PIK3CD: variants seen among roughly 807,000 people sequenced by gnomAD.
PIK3CD encodes the protein phosphatidylinositol-4,5-bisphosphate 3-kinase catalytic subunit delta.
Under a neutral mutation model 122.9 loss-of-function variants are expected in PIK3CD, and 20 were observed. The observed-to-expected ratio is 0.16, with a 90% CI of 0.11 to 0.24. The LOEUF (loss-of-function observed/expected upper bound fraction) is 0.24. Ranked by LOEUF, PIK3CD falls within the 10% of genes least tolerant of loss-of-function variation. PIK3CD has a pLI of 1.00. For missense variants in PIK3CD, 787 were observed against 1,406.3 expected, an observed-to-expected ratio of 0.56 and a Z score of 7.04; for synonymous variants, 596 against 593.4, an observed-to-expected ratio of 1.00 and a Z score of -0.06.
Position 9,717,657 on chromosome 1 carries a change from CTG to C in PIK3CD, c.1020+33_1020+34del, listed in dbSNP as rs752815110. 5.1e-5 allele frequency: 82 copies of C among 1,602,122 alleles called. No homozygotes were observed. The highest frequency in any genetic ancestry group is 6.5e-5 in the Non-Finnish European group (76 of 1,169,600). The stretch of plus-strand genomic sequence containing the variant: ...GCTCCTGGGATAGGTGGGAGAGACA[CTG>C]TTTTTTTGCACAAACAAGGTGGCTG... On this transcript the variant is annotated intron_variant, in intron 8 of 23. Coordinates refer to ENST00000377346, the MANE Select transcript of PIK3CD (RefSeq NM_005026.5). This position sits in a 1 kb window ranked among gnomAD's most constrained non-coding sequence, Gnocchi z 5.4.
At chr1:9,655,214 A>G (rs1644812808) in intron 1 of PIK3CD, among the ~76,000 whole-genome samples, 1 of 152,128 alleles carries the variant, frequency 6.6e-6, no homozygotes, top group African/African-American at 2.4e-5. Context: ...GAAGGGCCCT[A>G]TCCACTGGAG....
the PIK3CD span, among the ~76,000 whole-genome samples, chr1:9,630,760 G>A: frequency 6.6e-6 from 1 of 151,188 alleles, no homozygotes; most frequent in Non-Finnish European, 1.5e-5. Context: ...GCAGAAGGAA[G>A]TGTGGGGAAG....
At chr1:9,648,552 G>C (rs1057053481), upstream of PIK3CD, among the ~76,000 whole-genome samples, 1 of 152,234 alleles carries the variant, frequency 6.6e-6, no homozygotes, top group Non-Finnish European at 1.5e-5. Context: ...GGCCGTCAGA[G>C]TTCCTTCTGA....
Position 9,722,876 on chromosome 1 carries a change from G to A in PIK3CD, c.2427-249G>A, listed in dbSNP as rs1269867155. Among the ~76,000 whole-genome samples, 1 of 152,170 alleles carries A rather than the reference G, an allele frequency of 6.6e-6. No homozygotes were observed. Among genetic ancestry groups the A allele is most frequent in the Non-Finnish European group, 1.5e-5 (1 of 68,022 alleles). On this transcript the variant is annotated intron_variant, in intron 19 of 23. Transcript: ENST00000377346. The surrounding 1 kb of genome is among the most constrained non-coding windows in gnomAD (Gnocchi z 7.6). Reference sequence around the variant, plus strand: ...TCCCCAGCCCATCTTGGGAAGCAGTGGCGTCTTCTCCCAAGGCCTCTGTCT... The same window carrying A: ...TCCCCAGCCCATCTTGGGAAGCAGTAGCGTCTTCTCCCAAGGCCTCTGTCT...
chr1:9,639,324 A>G, the PIK3CD span, among the ~76,000 whole-genome samples: 1 of 151,870 alleles, frequency 6.6e-6, no homozygotes, highest in African/African-American at 2.4e-5. Flanking sequence ...TTATCTAGAG[A>G]GATAGAGGCT....
At chr1:9,657,415 T>C (rs1644889116) in intron 1 of PIK3CD, among the ~76,000 whole-genome samples, 1 of 152,110 alleles carries the variant, frequency 6.6e-6, no homozygotes. Context: ...CGGTTATCTT[T>C]GCAGGGAAGC....
At chr1:9,636,420 C>T in the PIK3CD span, among the ~76,000 whole-genome samples, 1 of 152,192 alleles carries the variant, frequency 6.6e-6, no homozygotes, top group Non-Finnish European at 1.5e-5. Context: ...TCTTGAACTC[C>T]TGGCCTCAAA....
chr1:9,654,806 T>C (rs1304784421), intron 1 of PIK3CD, among the ~76,000 whole-genome samples: 1 of 152,080 alleles, frequency 6.6e-6, no homozygotes, highest in African/African-American at 2.4e-5. Context: ...ACGCCTGTAA[T>C]TCCAGCACTT....
intron 2 of PIK3CD, among the ~76,000 whole-genome samples, chr1:9,692,523 G>A (rs1036503839): frequency 2.6e-5 from 4 of 151,260 alleles, no homozygotes; most frequent in Admixed American, 6.6e-5. Flanking sequence ...TCAGGAGTTC[G>A]AGACCAGCCT....
intron 1 of PIK3CD, among the ~76,000 whole-genome samples, chr1:9,685,871 T>C (rs1645946960): frequency 6.6e-6 from 1 of 152,182 alleles, no homozygotes; most frequent in East Asian, 1.9e-4. Context: ...CTCTGATTTT[T>C]TTCTGACTTT....
intron 2 of PIK3CD, among the ~76,000 whole-genome samples, chr1:9,709,839 T>A (rs181030938): frequency 2.6e-5 from 4 of 152,182 alleles, no homozygotes; most frequent in African/African-American, 9.6e-5. Flanking sequence ...AAACCCTCTC[T>A]CTACAAAAGT....
intron 1 of PIK3CD, among the ~76,000 whole-genome samples, chr1:9,679,515 C>T (rs891675290): frequency 9.2e-5 from 14 of 152,144 alleles, no homozygotes; most frequent in Admixed American, 7.2e-4. Flanking sequence ...ACACCCACAT[C>T]GCCTGTTTAC....
At chr1:9,683,908 C>T (rs564379745) in intron 1 of PIK3CD, among the ~76,000 whole-genome samples, 22 of 152,252 alleles carry the variant, frequency 1.4e-4, no homozygotes, top group Admixed American at 1.0e-3. Flanking sequence ...GGTGGGATGA[C>T]GAAGGTTGGG....
rs1443854157 is a variant in PIK3CD, at chr1:9,684,858, A to AG, written c.-137-6609_-137-6608insG. Among the ~76,000 whole-genome samples, 44 of 151,208 alleles carry AG rather than the reference A, an allele frequency of 2.9e-4. 1 individual carries two copies. The South Asian group carries it at 3.1e-3, about 11-fold the overall frequency. ...GAGACCCTGTCTCAAAAAAAAAAAA[A>AG]AAAGAAAGAAAAAAGAAAAAAGAAT... On this transcript the variant is annotated intron_variant, in intron 1 of 23. Transcript: ENST00000377346.
At chr1:9,692,517 G>A (rs1196788928) in intron 2 of PIK3CD, among the ~76,000 whole-genome samples, 2 of 151,704 alleles carry the variant, frequency 1.3e-5, no homozygotes, top group Non-Finnish European at 3.0e-5. Flanking sequence ...ACGAGGTCAG[G>A]AGTTCGAGAC....
intron 1 of PIK3CD, among the ~76,000 whole-genome samples, chr1:9,677,276 T>C (rs1557612542): frequency 6.6e-6 from 1 of 152,062 alleles, no homozygotes; most frequent in Non-Finnish European, 1.5e-5. Context: ...TGTTTGTTTG[T>C]GATTAAGTTG....
chr1:9,701,453 C>T lies in PIK3CD; in HGVS notation c.-32-8971C>T, dbSNP rs191821038. ...TTGGGAGGCCGAGGCAGGCAGATCA[C>T]CTGAGGTCAGGGGTTCAGGACCAGC... On this transcript the variant is annotated intron_variant, in intron 2 of 23. Coordinates refer to ENST00000377346, the MANE Select transcript of PIK3CD (RefSeq NM_005026.5). Among the ~76,000 whole-genome samples the T allele has an allele frequency of 2.1e-3, 313 of 152,244 alleles. 2 individuals are homozygous for T. The highest frequency in any genetic ancestry group is 2.5e-3 in the Non-Finnish European group (171 of 68,024).
chr1:9,645,448 TTTTATTTA>T, the PIK3CD span, among the ~76,000 whole-genome samples: 1 of 151,850 alleles, frequency 6.6e-6, no homozygotes, highest in Non-Finnish European at 1.5e-5. Context: ...TTCTATTTTA[TTTTATTTA>T]TTTATTTATT....
chr1:9,646,157 G>T, the PIK3CD span, among the ~76,000 whole-genome samples: 111 of 152,196 alleles, frequency 7.3e-4, 1 homozygote, highest in African/African-American at 2.6e-3. Context: ...TATTATAATA[G>T]ATATTTATAG....
Sources: gnomAD v4.1 joint callset for allele counts (sites outside exome capture counted in the v4.1 genomes callset) on GRCh38, gnomAD v4.1.1 for gene constraint, Gnocchi (gnomAD v3.1) non-coding constraint, MANE v1.5 for transcripts, NCBI Gene and HGNC (gene_info 2026-07-23, HGNC 2026-07-21) for gene names.